Variants in ADAMTS2 observed in about 807,000 individuals in gnomAD.
The protein encoded by ADAMTS2 is ADAM metallopeptidase with thrombospondin type 1 motif 2.
Under a neutral mutation model 123.0 loss-of-function variants are expected in ADAMTS2, and 50 were observed. The observed-to-expected ratio is 0.41, with a 90% confidence interval of 0.32 to 0.51. The LOEUF is 0.51. Ranked by LOEUF, ADAMTS2 falls within the 20% of genes least tolerant of loss-of-function variation. The pLI, the probability that ADAMTS2 is intolerant of heterozygous loss-of-function variation, is 0.35. For synonymous variants in ADAMTS2, 678 were observed against 695.4 expected (o/e 0.98, Z 0.39); for missense variants, 1,494 against 1,705.2 (o/e 0.88, Z 2.18).
At chr5:179,199,386 G>A (rs1386203873) in intron 4 of ADAMTS2, among the ~76,000 whole-genome samples, 2 of 152,226 alleles carry the variant, frequency 1.3e-5, no homozygotes, top group Non-Finnish European at 2.9e-5. Context: ...GGCAGGAAAG[G>A]GGCATGTCTG....
intron 5 of ADAMTS2, among the ~76,000 whole-genome samples, chr5:179,173,759 T>C (rs1763873722): frequency 6.6e-6 from 1 of 152,266 alleles, no homozygotes; most frequent in Non-Finnish European, 1.5e-5. Flanking sequence ...TCGCGCCCCA[T>C]AACCCCAGCA....
intron 20 of ADAMTS2, 91 bp from the exon 21 acceptor site, chr5:179,121,841 G>T: frequency 3.4e-6 from 3 of 893,500 alleles, no homozygotes; most frequent in East Asian, 2.8e-5. Flanking sequence ...CGGGGTCCTG[G>T]GGAAGCGTCA....
At chr5:179,327,907 C>T (rs998609853) in intron 2 of ADAMTS2, among the ~76,000 whole-genome samples, 1 of 151,998 alleles carries the variant, frequency 6.6e-6, no homozygotes, top group African/African-American at 2.4e-5. Flanking sequence ...CCAAAAACAT[C>T]CAAAAAAAGG....
chr5:179,259,661 G>A (rs746569550), intron 3 of ADAMTS2, among the ~76,000 whole-genome samples: 3 of 152,240 alleles, frequency 2.0e-5, no homozygotes, highest in Non-Finnish European at 4.4e-5. Flanking sequence ...CCTGATACCG[G>A]GTCTGTCGTT....
At chr5:179,150,423 A>C (rs955957549) in intron 10 of ADAMTS2, among the ~76,000 whole-genome samples, 1 of 152,236 alleles carries the variant, frequency 6.6e-6, no homozygotes, top group African/African-American at 2.4e-5. Context: ...GTCTGGGCAC[A>C]TCTTAAAAAC....
chr5:179,232,672 G>A (rs529670977), intron 3 of ADAMTS2, among the ~76,000 whole-genome samples: 11 of 152,292 alleles, frequency 7.2e-5, no homozygotes, highest in African/African-American at 2.4e-4. Flanking sequence ...CCACTCAGAC[G>A]ATTCCCACGC....
intron 2 of ADAMTS2, among the ~76,000 whole-genome samples, chr5:179,323,655 C>G (rs457316): frequency 0.62 from 93,713 of 152,180 alleles, 29,456 homozygotes; most frequent in Non-Finnish European, 0.69. Context: ...GCAGCAACCC[C>G]AGACTTAACA....
At chr5:179,142,147 C>T (rs552638625) in intron 10 of ADAMTS2, among the ~76,000 whole-genome samples, 3 of 152,108 alleles carry the variant, frequency 2.0e-5, no homozygotes, top group East Asian at 3.9e-4. Flanking sequence ...TGAAACAGAG[C>T]GTGGAGGATG....
At chr5:179,236,782 C>T (rs184023721) in intron 3 of ADAMTS2, among the ~76,000 whole-genome samples, 8 of 152,242 alleles carry the variant, frequency 5.3e-5, no homozygotes, top group African/African-American at 1.9e-4. Context: ...CAAAGCAAGA[C>T]CTGGTTTCAG....
At chr5:179,200,055 C>CGATCACAAT (rs1764525960) in intron 4 of ADAMTS2, among the ~76,000 whole-genome samples, 1 of 152,104 alleles carries the variant, frequency 6.6e-6, no homozygotes, top group Admixed American at 6.5e-5. Context: ...TTTGAACAAG[C>CGATCACAAT]GATCCCACAT....
chr5:179,236,331 A>G (rs1765528624), intron 3 of ADAMTS2, among the ~76,000 whole-genome samples: 1 of 151,938 alleles, frequency 6.6e-6, no homozygotes, highest in Admixed American at 6.6e-5. Flanking sequence ...TGTTCCAGCC[A>G]CTCCCGTAAG....
At chr5:179,274,142 AC>A (rs1237886417) in intron 2 of ADAMTS2, among the ~76,000 whole-genome samples, 1 of 148,376 alleles carries the variant, frequency 6.7e-6, no homozygotes, top group Non-Finnish European at 1.5e-5. Context: ...CCCCTGCCAT[AC>A]CCTGCCATCC....
rs574131894 is a variant in ADAMTS2, at chr5:179,279,875, G to A, written c.535-6811C>T. 1.4e-4 allele frequency among the ~76,000 whole-genome samples: 22 copies of A among 152,350 alleles called. 1 individual carries two copies. In the South Asian group the frequency reaches 2.3e-3, roughly 16 times the overall value. ...ACTTTTCCACTTTTCCAAAAGGGACGCCAGCGGGCAGGAGCTGTCCATGGG... is the reference window on the plus strand; with the variant it reads ...ACTTTTCCACTTTTCCAAAAGGGACACCAGCGGGCAGGAGCTGTCCATGGG... On this transcript the variant is annotated intron_variant, in intron 2 of 21. Coordinates refer to ENST00000251582, the MANE Select transcript of ADAMTS2 (RefSeq NM_014244.5).
At chr5:179,126,246 G>C (rs1581139461) in intron 17 of ADAMTS2, 116 bp from the exon 18 acceptor site, 1 of 1,441,786 alleles carries the variant, frequency 6.9e-7, no homozygotes, top group Non-Finnish European at 9.6e-7. Flanking sequence ...CCCTTGTGAT[G>C]ACAATAAGGG....
chr5:179,125,925 C>T, intron 18 of ADAMTS2, 73 bp downstream of exon 18: 1 of 1,599,626 alleles, frequency 6.3e-7, no homozygotes, highest in Non-Finnish European at 8.5e-7. Flanking sequence ...AGGCCCCACA[C>T]CTCCAAGCAC....
intron 2 of ADAMTS2, among the ~76,000 whole-genome samples, chr5:179,276,491 C>T (rs556047861): frequency 2.0e-5 from 3 of 152,328 alleles, no homozygotes; most frequent in South Asian, 2.1e-4. Context: ...GCTCCCCAAG[C>T]GTCCAGTGAC....
At chr5:179,203,900 C>A (rs34187095) in intron 4 of ADAMTS2, among the ~76,000 whole-genome samples, 1 of 151,896 alleles carries the variant, frequency 6.6e-6, no homozygotes, top group African/African-American at 2.4e-5. Context: ...GGAACACCCA[C>A]GTTCACGGCA....
chr5:179,232,034 C>G (rs1765422284), intron 3 of ADAMTS2, among the ~76,000 whole-genome samples: 1 of 152,134 alleles, frequency 6.6e-6, no homozygotes. Flanking sequence ...CCACAGTTGC[C>G]TCCGCATTCT....
intron 3 of ADAMTS2, among the ~76,000 whole-genome samples, chr5:179,223,384 G>A (rs1374367221): frequency 3.3e-5 from 3 of 91,426 alleles, no homozygotes; most frequent in Admixed American, 2.5e-4. Context: ...ACGCACACAC[G>A]AATGCACTCA....
Sources: gnomAD v4.1 joint callset for allele counts (sites outside exome capture counted in the v4.1 genomes callset) on GRCh38, gnomAD v4.1.1 for gene constraint, MANE v1.5 for transcripts, NCBI Gene and HGNC (gene_info 2026-07-23, HGNC 2026-07-21) for gene names.